Variants in SCYL1 observed in about 807,000 individuals in gnomAD.
SCYL1 encodes the protein SCY1 like pseudokinase 1.
SCYL1 carries 85 observed loss-of-function variants against 94.8 expected under a neutral mutation model. The observed-to-expected ratio is 0.90, with a 90% CI of 0.75 to 1.07. The LOEUF (loss-of-function observed/expected upper bound fraction) is 1.07, where lower values mean the gene tolerates loss of function less well. Ranked by LOEUF, SCYL1 falls within the 50% of genes least tolerant of loss-of-function variation. The pLI is 0.00. For missense variants in SCYL1, 968 were observed against 1,083.3 expected (o/e 0.89, Z 1.49); for synonymous variants, 459 against 435.5 (o/e 1.05, Z -0.67).
At chr11:65,535,145 A>T in intron 9 of SCYL1, 82 bp from the exon 10 acceptor site, 1 of 1,557,460 alleles carries the variant, frequency 6.4e-7, no homozygotes, top group South Asian at 1.2e-5. Context: ...GTGCTCTGGG[A>T]TGAGGGCTGC....
chr11:65,534,678 G>C (rs1855554503), intron 9 of SCYL1, among the ~76,000 whole-genome samples: 1 of 152,192 alleles, frequency 6.6e-6, no homozygotes, highest in South Asian at 2.1e-4. Flanking sequence ...AGATCACCTA[G>C]GGCAAGAGTG....
intron 8 of SCYL1, 126 bp downstream of exon 8, chr11:65,531,809 G>T: frequency 1.5e-6 from 1 of 689,252 alleles, no homozygotes. Context: ...ACAACTGAGG[G>T]ACCCAATGAG....
chr11:65,532,018 G>A (rs942218124), intron 8 of SCYL1, among the ~76,000 whole-genome samples: 1 of 152,226 alleles, frequency 6.6e-6, no homozygotes, highest in Admixed American at 6.5e-5. Context: ...GATCTAGGAA[G>A]TACCAGTGGC....
At position 65,526,138 on chromosome 11, in the gene SCYL1, C is replaced by T; in HGVS notation, c.390C>T (p.Phe130=). ...GLHQIVKALS[F]LVNDCSLIHN... Reference sequence around the variant, plus strand: ...TTTGCCCCCAGAAAGCCCTCAGCTTCCTGGTCAACGACTGCAGCCTCATCC... The same window carrying T: ...TTTGCCCCCAGAAAGCCCTCAGCTTTCTGGTCAACGACTGCAGCCTCATCC... Residue 130 remains phenylalanine, a synonymous_variant, in exon 4 of 18, where the codon TTC becomes TTT. Transcript: ENST00000270176. This position sits in a 1 kb window ranked among gnomAD's most constrained non-coding sequence, Gnocchi z 4.1. The T allele has an allele frequency of 6.2e-7, 1 of 1,613,116 alleles. No individual in the cohort carries two copies. The highest frequency in any genetic ancestry group is 8.5e-7 in the Non-Finnish European group (1 of 1,179,930).
intron 17 of SCYL1, 50 bp downstream of exon 17, chr11:65,538,374 C>T (rs754666116): frequency 3.2e-6 from 5 of 1,539,666 alleles, no homozygotes; most frequent in East Asian, 2.5e-5. Flanking sequence ...CCGACTAGCC[C>T]GCCCCTACAG....
intron 17 of SCYL1, 36 bp downstream of exon 17, chr11:65,538,360 C>T (rs1855826763): frequency 1.3e-6 from 2 of 1,540,344 alleles, no homozygotes; most frequent in African/African-American, 1.4e-5. Flanking sequence ...AAGACTAGGG[C>T]TCCCCGACTA....
Position 65,525,458 on chromosome 11 carries a change from G to A in SCYL1, c.112-116G>A, listed in dbSNP as rs539829339. 3.8e-6 allele frequency: 5 copies of A among 1,324,428 alleles called. No individual in the cohort carries two copies. In the South Asian group the frequency reaches 6.0e-5, roughly 16 times the overall value. 82.0% of individuals were successfully genotyped at this position (1,324,428 alleles called of 1,614,324 possible). ...GACAGGCGGACAGGGCCGGGGTCAC[G>A]TGGGCCCGGCGAAGTGTCCCTAAGG... On this transcript the variant is annotated intron_variant, in intron 1 of 17. Transcript: ENST00000270176.
chr11:65,536,904 C>A (rs114103687), intron 13 of SCYL1, 82 bp from the exon 14 acceptor site: 2 of 1,128,044 alleles, frequency 1.8e-6, no homozygotes, highest in Non-Finnish European at 2.6e-6. Context: ...GGTGCCCCTT[C>A]CCCCCAGTAG....
Position 65,526,044 on chromosome 11 carries a change from G to A in SCYL1, c.375+1G>A. 6.2e-7 allele frequency: 1 copy of A among 1,612,974 alleles called. No homozygotes were observed. Among genetic ancestry groups the A allele is most frequent in the Non-Finnish European group, 8.5e-7 (1 of 1,179,844 alleles). ...CTCCTGGGGGCTACACCAGATCGTG[G>A]TGAGGTGGGGGGCAGTGGTGATGAG... On this transcript the variant is annotated splice_donor_variant, in intron 3 of 17. Transcript: ENST00000270176. LOFTEE classifies it high-confidence loss of function. This position sits in a 1 kb window ranked among gnomAD's most constrained non-coding sequence, Gnocchi z 4.1.
chr11:65,525,406 C>A, intron 1 of SCYL1, 142 bp downstream of exon 1: 1 of 1,049,250 alleles, frequency 9.5e-7, no homozygotes, highest in Non-Finnish European at 1.3e-6. Context: ...GCAGTGCCTA[C>A]GTGGCGGGCG....
At position 65,532,758 on chromosome 11, in the gene SCYL1, C is replaced by T; in HGVS notation, c.1183C>T (p.His395Tyr). 2 of 1,614,188 alleles carry T rather than the reference C, an allele frequency of 1.2e-6. No individual in the cohort carries two copies. Among genetic ancestry groups the T allele is most frequent in the Non-Finnish European group, 1.7e-6 (2 of 1,179,988 alleles). ...VNTQIFPHVV[H>Y]GFLDTNPAIR... Reference sequence around the variant, plus strand: ...CACCCAGATCTTCCCCCACGTCGTACATGGCTTCCTGGACACCAACCCTGC... The same window carrying T: ...CACCCAGATCTTCCCCCACGTCGTATATGGCTTCCTGGACACCAACCCTGC... The change falls in exon 9 of 18, where the codon CAT becomes TAT. Residue 395 changes from histidine to tyrosine, a missense_variant. Transcript: ENST00000270176.
At chr11:65,531,828 C>T in intron 8 of SCYL1, 145 bp downstream of exon 8, 1 of 648,008 alleles carries the variant, frequency 1.5e-6, no homozygotes, top group South Asian at 1.8e-5. Context: ...AGGCCAGGCT[C>T]TCAGAAAGTT....
At position 65,535,292 on chromosome 11, in the gene SCYL1, T is replaced by G. The variant is rs370246020; in HGVS notation, c.1296T>G (p.Phe432Leu). 6.2e-7 allele frequency: 1 copy of G among 1,614,122 alleles called. No homozygotes were observed. The highest frequency in any genetic ancestry group is 8.5e-7 in the Non-Finnish European group (1 of 1,180,036). The change falls in exon 10 of 18, where the codon TTT becomes TTG. Residue 432 changes from phenylalanine (F) to leucine (L), a missense_variant. Phe to Leu is a conservative substitution (Grantham distance 22). Coordinates refer to ENST00000270176, the MANE Select transcript of SCYL1 (RefSeq NM_020680.4). ...ANLNVELMKH[F>L]ARLQAKDEQG... ...TCAATGTGGAGCTGATGAAGCACTT[T>G]GCACGGCTACAGGCCAAGGATGAAC...
chr11:65,536,470 G>A, intron 12 of SCYL1, 116 bp from the exon 13 acceptor site: 2 of 1,427,604 alleles, frequency 1.4e-6, no homozygotes, highest in Non-Finnish European at 1.9e-6. Context: ...ACAGATGGGA[G>A]AAATCAGGCC....
intron 10 of SCYL1, 38 bp from the exon 11 acceptor site, chr11:65,535,915 C>A: frequency 6.5e-7 from 1 of 1,531,706 alleles, no homozygotes; most frequent in Non-Finnish European, 8.8e-7. Context: ...CCAACATTGA[C>A]CCTACACTCA....
In SCYL1 at chr11:65,525,134, C is replaced by G. The variant is rs1384476852; in HGVS notation, c.-20C>G. ...GGACCCGGAGCTAAGGCGCCCGAAC[C>G]CGCGGCGGCGGTGGGGACGATGTGG... On this transcript the variant is annotated 5_prime_UTR_variant, in exon 1 of 18. Transcript: ENST00000270176. 7.6e-6 allele frequency: 10 copies of G among 1,311,682 alleles called. 1 individual carries two copies. Among genetic ancestry groups the G allele is most frequent in the South Asian group, 6.4e-5 (3 of 46,636 alleles). The allele number at this position is 1,311,682 out of a possible 1,614,324, so 81.3% of individuals were successfully genotyped here.
Position 65,536,676 on chromosome 11 carries a change from C to T in SCYL1, c.1742C>T (p.Thr581Ile), listed in dbSNP as rs1483553321. Residue 581 changes from threonine (T) to isoleucine (I), a missense_variant, in exon 13 of 18, where the codon ACC becomes ATC. This residue lies in a region of SCYL1 where 474 missense variants were observed against 463.6 expected (regional missense o/e 1.02). Coordinates refer to ENST00000270176, the MANE Select transcript of SCYL1 (RefSeq NM_020680.4). ...GWAVTGVSSL[T>I]SKLIRSHPTT... ...GCCGTGACCGGGGTCTCCTCACTCA[C>T]CTCCAAGCTGATCCGTTCGCACCCA... 2 of 1,614,044 alleles carry T rather than the reference C, an allele frequency of 1.2e-6. No individual in the cohort carries two copies. Among genetic ancestry groups the T allele is most frequent in the Non-Finnish European group, 8.5e-7 (1 of 1,179,928 alleles).
chr11:65,537,743 T>G, intron 14 of SCYL1, 66 bp from the exon 15 acceptor site: 1 of 1,390,162 alleles, frequency 7.2e-7, no homozygotes, highest in Non-Finnish European at 9.7e-7. Context: ...GCTGGGATGA[T>G]GCTGGGGCGG....
chr11:65,531,745 G>A (rs1416072905), intron 8 of SCYL1, 62 bp downstream of exon 8: 3 of 1,276,940 alleles, frequency 2.3e-6, no homozygotes, highest in Non-Finnish European at 3.4e-6. Flanking sequence ...TGGCTGGGGA[G>A]GCACCTGCCC....
Sources: gnomAD v4.1 joint callset for allele counts (sites outside exome capture counted in the v4.1 genomes callset) on GRCh38, gnomAD v4.1.1 for gene constraint, gnomAD v4.1.1 regional missense constraint, Gnocchi (gnomAD v3.1) non-coding constraint, MANE v1.5 for transcripts, NCBI Gene and HGNC (gene_info 2026-07-23, HGNC 2026-07-21) for gene names.